The following PHF20 variants were observed in gnomAD, a reference collection of about 807,000 sequenced individuals.
PHF20 encodes the protein PHD finger protein 20, also known as glioma-expressed antigen 2.
Under a neutral mutation model 113.5 loss-of-function variants are expected in PHF20, and 23 were observed. The observed-to-expected ratio is 0.20, with a 90% CI of 0.15 to 0.29. PHF20 has a LOEUF of 0.29. PHF20 is among the 10% of genes least tolerant of loss of function. The pLI is 1.00. For missense variants in PHF20, 943 were observed against 1,219.6 expected (o/e 0.77, Z 3.38); for synonymous variants, 434 against 457.3 (o/e 0.95, Z 0.65).
chr20:35,772,977 G>A lies in PHF20; in HGVS notation c.-33+898G>A, dbSNP rs1007783479. Among the ~76,000 whole-genome samples the A allele has an allele frequency of 3.9e-5, 6 of 152,140 alleles. No individual in the cohort carries two copies. The South Asian group carries it at 6.2e-4, about 16-fold the overall frequency. ...CCGAAAACAATGTCCAAATTTTGAAGTTTATGGGTACTTATTTCCAGTTTC... is the reference window on the plus strand; with the variant it reads ...CCGAAAACAATGTCCAAATTTTGAAATTTATGGGTACTTATTTCCAGTTTC... On this transcript the variant is annotated intron_variant, in intron 1 of 17. Coordinates refer to ENST00000374012, the MANE Select transcript of PHF20 (RefSeq NM_016436.5).
intron 5 of PHF20, among the ~76,000 whole-genome samples, chr20:35,858,584 AT>A (rs1414941824): frequency 5.9e-5 from 9 of 152,218 alleles, no homozygotes; most frequent in Non-Finnish European, 8.8e-5. Flanking sequence ...TTATTTGTTT[AT>A]TTAGAAACAG....
chr20:35,779,410 C>T (rs2041239833), intron 1 of PHF20, among the ~76,000 whole-genome samples: 1 of 152,080 alleles, frequency 6.6e-6, no homozygotes, highest in Non-Finnish European at 1.5e-5. Flanking sequence ...GGCTGACTTC[C>T]AGGTATCTTA....
chr20:35,808,838 C>T (rs1319986838), intron 2 of PHF20, among the ~76,000 whole-genome samples: 2 of 151,768 alleles, frequency 1.3e-5, no homozygotes, highest in South Asian at 2.1e-4. Context: ...TCCCAACGTG[C>T]TGGGATTACA....
At chr20:35,882,194 G>A (rs1433953498) in intron 9 of PHF20, among the ~76,000 whole-genome samples, 1 of 152,050 alleles carries the variant, frequency 6.6e-6, no homozygotes, top group Admixed American at 6.6e-5. Context: ...AGCTGGTTTG[G>A]CCAGACAGTG....
intron 1 of PHF20, among the ~76,000 whole-genome samples, chr20:35,784,624 A>T (rs2146835100): frequency 6.6e-6 from 1 of 151,868 alleles, no homozygotes; most frequent in Middle Eastern, 3.4e-3. Flanking sequence ...GTTAACAGAG[A>T]TGGAGTTTCA....
At chr20:35,823,071 T>C (rs1749813899) in intron 2 of PHF20, among the ~76,000 whole-genome samples, 3 of 152,036 alleles carry the variant, frequency 2.0e-5, no homozygotes, top group Non-Finnish European at 4.4e-5. Flanking sequence ...ATAATGTATA[T>C]GTGTATGTTA....
chr20:35,910,469 T>C (rs1025455471), intron 10 of PHF20, among the ~76,000 whole-genome samples: 3 of 152,176 alleles, frequency 2.0e-5, no homozygotes, highest in Non-Finnish European at 2.9e-5. Flanking sequence ...ATTTGACATA[T>C]GTTTATACCC....
intron 13 of PHF20, among the ~76,000 whole-genome samples, chr20:35,924,494 G>A (rs1456429521): frequency 2.7e-5 from 4 of 150,558 alleles, no homozygotes; most frequent in South Asian, 2.1e-4. Context: ...GTGCCTGGCC[G>A]CATGTATAGT....
chr20:35,779,599 A>T (rs1288890886), intron 1 of PHF20, among the ~76,000 whole-genome samples: 2 of 151,600 alleles, frequency 1.3e-5, no homozygotes, highest in East Asian at 3.9e-4. Context: ...GGCACACTGC[A>T]ACCTCTGTCT....
chr20:35,931,203 G>C, intron 14 of PHF20, 46 bp from the exon 15 acceptor site: 2 of 1,394,890 alleles, frequency 1.4e-6, no homozygotes, highest in Middle Eastern at 1.8e-4. Flanking sequence ...AATGGCCTGG[G>C]TTTCCTTCAG....
At chr20:35,820,696 GCCTCAGCCTCCC>G in intron 2 of PHF20, among the ~76,000 whole-genome samples, 1 of 152,136 alleles carries the variant, frequency 6.6e-6, no homozygotes, top group Admixed American at 6.6e-5. Flanking sequence ...TGATCTGCCT[GCCTCAGCCTCCC>G]AAAGTGTTGG....
chr20:35,788,790 G>A (rs1319429890), intron 1 of PHF20, among the ~76,000 whole-genome samples: 1 of 151,158 alleles, frequency 6.6e-6, no homozygotes, highest in East Asian at 2.0e-4. Context: ...TTTAGCCAGG[G>A]TGTTCTTGAA....
In PHF20 at chr20:35,796,155, A is replaced by AT. The variant is rs74398354; in HGVS notation, c.-32-5326dup. On this transcript the variant is annotated intron_variant, in intron 1 of 17. Coordinates refer to ENST00000374012, the MANE Select transcript of PHF20 (RefSeq NM_016436.5). ...GTGAGCCACCGCACCCAGACTATAC[A>AT]TTTTTTTTTTATGCGGGTTTTGTTA... is the stretch of plus-strand genomic sequence containing the variant. 9.2e-4 allele frequency among the ~76,000 whole-genome samples: 137 copies of AT among 148,956 alleles called. 2 individuals carry two copies. The East Asian group carries it at 0.012, about 13-fold the overall frequency.
At chr20:35,904,457 G>C (rs966484140) in intron 10 of PHF20, among the ~76,000 whole-genome samples, 18 of 151,626 alleles carry the variant, frequency 1.2e-4, no homozygotes, top group African/African-American at 4.1e-4. Context: ...GCTAATTTTT[G>C]TATTTTTAGT....
chr20:35,853,248 A>G (rs1187812399), intron 4 of PHF20: 1 of 152,168 alleles, frequency 6.6e-6, no homozygotes, highest in African/African-American at 2.4e-5. Context: ...AAAGAAAAAA[A>G]AAGAAAAGAC....
chr20:35,878,565 G>A, intron 9 of PHF20: 1 of 742,200 alleles, frequency 1.3e-6, no homozygotes, highest in Non-Finnish European at 2.5e-6. Flanking sequence ...GGAATAGAAG[G>A]TTTTGCAGCA....
intron 2 of PHF20, among the ~76,000 whole-genome samples, chr20:35,837,891 T>C (rs1028031132): frequency 6.6e-6 from 1 of 152,210 alleles, no homozygotes; most frequent in Non-Finnish European, 1.5e-5. Context: ...TGAAATGTAA[T>C]TGGGTCCCCA....
At chr20:35,943,148 T>C (rs1482517885) in intron 17 of PHF20, among the ~76,000 whole-genome samples, 1 of 152,122 alleles carries the variant, frequency 6.6e-6, no homozygotes, top group Non-Finnish European at 1.5e-5. Flanking sequence ...ATAACCAAGT[T>C]TTAAAATAGG....
chr20:35,935,060 T>C (rs2055838861), intron 15 of PHF20, among the ~76,000 whole-genome samples: 1 of 152,082 alleles, frequency 6.6e-6, no homozygotes, highest in African/African-American at 2.4e-5. Context: ...GGAGTCTTTC[T>C]GTGTTGCCCA....
Sources: gnomAD v4.1 joint callset for allele counts (sites outside exome capture counted in the v4.1 genomes callset) on GRCh38, gnomAD v4.1.1 for gene constraint, MANE v1.5 for transcripts, NCBI Gene and HGNC (gene_info 2026-07-23, HGNC 2026-07-21) for gene names.